Variants in ACP3 observed in about 807,000 individuals in gnomAD.
The protein encoded by ACP3 is acid phosphatase 3, also known as prostatic acid phosphatase.
ACP3 carries 38 observed loss-of-function variants against 45.6 expected under a neutral mutation model. That is an observed-to-expected ratio of 0.83 (90% CI 0.64 to 1.09). The LOEUF (loss-of-function observed/expected upper bound fraction) is 1.09. ACP3 is among the 50% of genes least tolerant of loss of function. The probability of loss-of-function intolerance (pLI) is 0.00; values close to 1 mark genes in which losing one functional copy is unlikely to be tolerated. For missense variants in ACP3, 466 were observed against 463.2 expected, an observed-to-expected ratio of 1.01 and a Z score of -0.05; for synonymous variants, 162 against 164.7, an observed-to-expected ratio of 0.98 and a Z score of 0.13.
At chr3:132,329,699 C>A (rs915921205) in intron 2 of ACP3, among the ~76,000 whole-genome samples, 1 of 152,172 alleles carries the variant, frequency 6.6e-6, no homozygotes, top group African/African-American at 2.4e-5. Flanking sequence ...GATTACCCAT[C>A]AGATTCTATT....
chr3:132,335,605 G>A (rs1336125493), intron 4 of ACP3, among the ~76,000 whole-genome samples: 1 of 152,170 alleles, frequency 6.6e-6, no homozygotes, highest in Non-Finnish European at 1.5e-5. Context: ...GTCAGATGGC[G>A]ATGAGTTCCT....
In ACP3 at chr3:132,349,968, T is replaced by C. The variant is rs1937683783; in HGVS notation, c.830T>C (p.Ile277Thr). ...AATCACATGAAGAGAGCAACTCAGA[T>C]ACCAAGCTACAAAAAACTCATCATG... is the stretch of plus-strand genomic sequence containing the variant. ...ILNHMKRATQ[I>T]PSYKKLIMYS... Residue 277 changes from isoleucine (I) to threonine (T), a missense_variant, in exon 8 of 10, where the codon ATA (isoleucine) becomes ACA (threonine). Transcript: ENST00000336375. The C allele has an allele frequency of 1.2e-6, 2 of 1,612,652 alleles. No individual in the cohort carries two copies. Among genetic ancestry groups the C allele is most frequent in the Non-Finnish European group, 1.7e-6 (2 of 1,178,722 alleles).
At chr3:132,319,854 G>T (rs1937173377) in intron 1 of ACP3, among the ~76,000 whole-genome samples, 1 of 152,128 alleles carries the variant, frequency 6.6e-6, no homozygotes, top group African/African-American at 2.4e-5. Context: ...GGATTAGCTT[G>T]ACTCTGAATC....
chr3:132,367,227 T>C (rs185211607), intron 10 of ACP3, among the ~76,000 whole-genome samples: 50 of 152,346 alleles, frequency 3.3e-4, no homozygotes, highest in Admixed American at 2.8e-3. Flanking sequence ...TACACAGTTA[T>C]GCTAGAAATG....
rs1340464559 is a variant in ACP3 at position 132,352,704 on chromosome 3, A to C, written c.865-16A>C. On this transcript the variant is annotated splice_polypyrimidine_tract_variant and intron_variant, in intron 8 of 9. Transcript: ENST00000336375. ...TGAATCTGAACAGGCGATAAAATTG[A>C]TTTCAATCTCTGTAGCATGACACTA... is the stretch of plus-strand genomic sequence containing the variant. The C allele has an allele frequency of 3.2e-6, 5 of 1,581,654 alleles. No homozygotes were observed. The South Asian group carries it at 5.5e-5, about 18-fold the overall frequency.
intron 8 of ACP3, 59 bp from the exon 9 acceptor site, chr3:132,352,661 C>T: frequency 8.5e-7 from 1 of 1,178,652 alleles, no homozygotes; most frequent in African/African-American, 1.5e-5. Context: ...TGTACAAGTG[C>T]TTCATACCTA....
At chr3:132,337,409 A>C (rs201926364) in intron 4 of ACP3, 47 bp from the exon 5 acceptor site, 3 of 1,266,132 alleles carry the variant, frequency 2.4e-6, no homozygotes, top group South Asian at 2.6e-5. Context: ...TATTTAGCAA[A>C]GTTTTTCTGA....
chr3:132,361,651 T>A (rs1031070481), downstream of ACP3, among the ~76,000 whole-genome samples: 2 of 152,252 alleles, frequency 1.3e-5, no homozygotes, highest in Non-Finnish European at 2.9e-5. Context: ...CTGAACACTT[T>A]TCCTACTCCC....
chr3:132,359,316 T>C (rs577009660), downstream of ACP3, among the ~76,000 whole-genome samples: 172 of 152,130 alleles, frequency 1.1e-3, no homozygotes, highest in African/African-American at 3.7e-3. Context: ...ATTGAGACCA[T>C]CCTGGCTAAC....
Position 132,357,042 on chromosome 3 carries a change from C to A in ACP3, c.*164C>A. ...ACCTCAGGCAATTCCTACCTCTTCA[C>A]CTGACCCTGCCCCCACTTGCCATAA... On this transcript the variant is annotated 3_prime_UTR_variant, in exon 10 of 10. Transcript: ENST00000336375. 7.3e-7 allele frequency: 1 copy of A among 1,375,856 alleles called. No individual in the cohort carries two copies. Among genetic ancestry groups the A allele is most frequent in the East Asian group, 2.7e-5 (1 of 37,030 alleles). The allele number at this position is 1,375,856 out of a possible 1,614,324, so 85.2% of individuals were successfully genotyped here.
intron 10 of ACP3, among the ~76,000 whole-genome samples, chr3:132,366,239 T>C (rs146928810): frequency 1.8e-4 from 26 of 145,062 alleles, no homozygotes; most frequent in African/African-American, 6.5e-4. Flanking sequence ...CAGTCGAGGC[T>C]GCATGAGCCA....
chr3:132,329,589 A>G (rs1056993940), intron 2 of ACP3, among the ~76,000 whole-genome samples: 2 of 152,196 alleles, frequency 1.3e-5, no homozygotes, highest in South Asian at 2.1e-4. Context: ...GTTAATACCT[A>G]TGGCTCTGTA....
intron 4 of ACP3, among the ~76,000 whole-genome samples, chr3:132,332,882 A>G (rs1442995356): frequency 1.3e-5 from 2 of 152,224 alleles, no homozygotes; most frequent in Non-Finnish European, 2.9e-5. Context: ...CTCTCCTTTT[A>G]TAGTGAGGGA....
intron 7 of ACP3, 108 bp from the exon 8 acceptor site, chr3:132,349,812 T>A (rs1937678194): frequency 5.6e-6 from 4 of 719,686 alleles, no homozygotes; most frequent in Non-Finnish European, 9.8e-6. Context: ...GCCCCTCTTC[T>A]TAAGTCATGG....
At position 132,332,196 on chromosome 3, in the gene ACP3, A is replaced by G. The variant is rs1419363587; in HGVS notation, c.308A>G (p.Tyr103Cys). 7 of 1,614,104 alleles carry G rather than the reference A, an allele frequency of 4.3e-6. No homozygotes were observed. Among genetic ancestry groups the G allele is most frequent in the Non-Finnish European group, 5.9e-6 (7 of 1,180,004 alleles). ...LNESYKHEQV[Y>C]IRSTDVDRTL... The stretch of plus-strand genomic sequence containing the variant: ...GCTTTGATTTTCCTACTCTAGGTTT[A>G]TATTCGAAGCACAGACGTTGACCGG... The change falls in exon 4 of 10, where the codon TAT (tyrosine) becomes TGT (cysteine). Residue 103 changes from tyrosine (Y) to cysteine (C), a missense_variant. Physicochemically the swap from Tyr to Cys is radical, Grantham distance 194 (BLOSUM62 -2). Transcript: ENST00000336375.
intron 5 of ACP3, among the ~76,000 whole-genome samples, chr3:132,340,420 A>G (rs1233947569): frequency 6.6e-6 from 1 of 151,818 alleles, no homozygotes; most frequent in Non-Finnish European, 1.5e-5. Context: ...TGTTCTTGCC[A>G]TGTAGGTTCT....
chr3:132,328,634 G>A (rs746554872), intron 2 of ACP3, among the ~76,000 whole-genome samples: 38 of 135,296 alleles, frequency 2.8e-4, no homozygotes, highest in African/African-American at 9.2e-4. Context: ...AGCCAAGATC[G>A]CACCATTGCA....
At position 132,357,200 on chromosome 3, in the gene ACP3, T is replaced by G; in HGVS notation, c.*322T>G. 1 of 1,017,530 alleles carries G rather than the reference T, an allele frequency of 9.8e-7. No homozygotes were observed. The highest frequency in any genetic ancestry group is 1.2e-6 in the Non-Finnish European group (1 of 850,776). The allele number at this position is 1,017,530 out of a possible 1,614,324, so 63.0% of individuals were successfully genotyped here. A position where few individuals can be genotyped will look rare whatever the true frequency, so the allele number is the denominator to read the frequency against. On this transcript the variant is annotated 3_prime_UTR_variant, in exon 10 of 10. Coordinates refer to ENST00000336375, the MANE Select transcript of ACP3 (RefSeq NM_001099.5). ...ACTATATGACTGGCCACACAGGATC[T>G]TTTGTATTTAAGGATTCTGAGATTT...
chr3:132,342,973 C>G (rs1937569009), intron 6 of ACP3, among the ~76,000 whole-genome samples: 1 of 152,110 alleles, frequency 6.6e-6, no homozygotes, highest in South Asian at 2.1e-4. Context: ...GGGTTCCTGT[C>G]CTTGGTCTTA....
Sources: gnomAD v4.1 joint callset for allele counts (sites outside exome capture counted in the v4.1 genomes callset) on GRCh38, gnomAD v4.1.1 for gene constraint, MANE v1.5 for transcripts, NCBI Gene and HGNC (gene_info 2026-07-23, HGNC 2026-07-21) for gene names.